Variants in CEMIP observed in about 807,000 individuals in gnomAD.
CEMIP encodes the protein cell migration-inducing and hyaluronan-binding protein.
A neutral mutation model predicts 156.9 loss-of-function variants in CEMIP; 105 were observed. The ratio of observed to expected loss-of-function variants is 0.67; its 90% confidence interval spans 0.57 to 0.79. The LOEUF (loss-of-function observed/expected upper bound fraction) is 0.79. Among genes scored for constraint, CEMIP ranks in the 30% least tolerant of loss-of-function variants. CEMIP has a pLI of 0.00. For missense variants in CEMIP, 1,457 were observed against 1,769.4 expected (o/e 0.82, Z 3.17); for synonymous variants, 676 against 668.4 (o/e 1.01, Z -0.17).
At chr15:80,866,154 C>T (rs1898120079) in intron 1 of CEMIP, among the ~76,000 whole-genome samples, 2 of 152,300 alleles carry the variant, frequency 1.3e-5, no homozygotes, top group Admixed American at 1.3e-4. Context: ...ATGGGATTCA[C>T]TCTGCCATGC....
chr15:80,897,635 CT>C (rs1275388557), intron 12 of CEMIP, among the ~76,000 whole-genome samples: 1 of 152,044 alleles, frequency 6.6e-6, no homozygotes, highest in African/African-American at 2.4e-5. Context: ...ACAGAGTCTG[CT>C]TTTTTAATTG....
At chr15:80,908,229 C>A (rs111392704) in intron 13 of CEMIP, among the ~76,000 whole-genome samples, 1 of 152,260 alleles carries the variant, frequency 6.6e-6, no homozygotes, top group African/African-American at 2.4e-5. Context: ...GCTATAGCCC[C>A]CTTTTCAATC....
intron 1 of CEMIP, among the ~76,000 whole-genome samples, chr15:80,825,734 C>T (rs1438580099): frequency 6.6e-6 from 1 of 152,196 alleles, no homozygotes; most frequent in Admixed American, 6.5e-5. Flanking sequence ...CCAGATCTCT[C>T]AGATATCATT....
chr15:80,943,449 G>A (rs920271374), intron 28 of CEMIP, among the ~76,000 whole-genome samples: 2 of 152,200 alleles, frequency 1.3e-5, no homozygotes, highest in East Asian at 1.9e-4. Flanking sequence ...TCTCCAGCCC[G>A]GATCTCCTTC....
At chr15:80,888,454 T>C (rs1006714547) in intron 8 of CEMIP, among the ~76,000 whole-genome samples, 2 of 152,230 alleles carry the variant, frequency 1.3e-5, no homozygotes, top group South Asian at 2.1e-4. Context: ...CCGTGAGACA[T>C]GCTAGAGCTC....
intron 12 of CEMIP, among the ~76,000 whole-genome samples, chr15:80,899,450 A>G (rs1056714417): frequency 6.6e-6 from 1 of 152,204 alleles, no homozygotes; most frequent in African/African-American, 2.4e-5. Context: ...CTGGGAGTAT[A>G]GAAAAGGGAG....
At chr15:80,936,474 C>T (rs1408878445) in intron 23 of CEMIP, among the ~76,000 whole-genome samples, 200 bp from the exon 24 acceptor site, 1 of 152,212 alleles carries the variant, frequency 6.6e-6, no homozygotes, top group Non-Finnish European at 1.5e-5. Flanking sequence ...CTGGATTACA[C>T]AGTAAGGCCT....
At chr15:80,857,518 T>A (rs1897882329) in intron 1 of CEMIP, among the ~76,000 whole-genome samples, 2 of 152,118 alleles carry the variant, frequency 1.3e-5, no homozygotes, top group African/African-American at 4.8e-5. Context: ...CAGTTCTGAC[T>A]CCTTTCACGG....
chr15:80,866,093 C>T (rs190341506), intron 1 of CEMIP, among the ~76,000 whole-genome samples: 11 of 152,282 alleles, frequency 7.2e-5, no homozygotes, highest in South Asian at 2.1e-4. Context: ...TCCCCTACAG[C>T]TGATTGGTGG....
At chr15:80,859,346 A>T (rs866241963) in intron 1 of CEMIP, among the ~76,000 whole-genome samples, 1 of 152,256 alleles carries the variant, frequency 6.6e-6, no homozygotes, top group Non-Finnish European at 1.5e-5. Context: ...ACCTTCTCCC[A>T]TCAATCATTA....
chr15:80,886,827 G>C lies in CEMIP; in HGVS notation c.798-867G>C, dbSNP rs138517016. Among the ~76,000 whole-genome samples, 60 of 152,288 alleles carry C rather than the reference G, an allele frequency of 3.9e-4. No individual in the cohort carries two copies. The East Asian group carries it at 0.01, about 26-fold the overall frequency. On this transcript the variant is annotated intron_variant, in intron 7 of 29. Transcript: ENST00000394685. ...ACAGGGGAAATTTAGCAAGGTCTCT[G>C]TTCCTTCAGATTCCTCTTGGCTTCC... is the stretch of plus-strand genomic sequence containing the variant.
chr15:80,930,444 T>C (rs146291693), intron 21 of CEMIP, among the ~76,000 whole-genome samples: 2 of 152,328 alleles, frequency 1.3e-5, no homozygotes, highest in Non-Finnish European at 2.9e-5. Flanking sequence ...AAATTGCATC[T>C]GCAAGTAGGA....
At chr15:80,884,490 A>G in intron 7 of CEMIP, 136 bp downstream of exon 7, 1 of 886,402 alleles carries the variant, frequency 1.1e-6, no homozygotes, top group South Asian at 1.4e-5. Context: ...AGGCATTTGC[A>G]TTTGACATCT....
chr15:80,950,965 C>G lies in CEMIP; in HGVS notation c.*2041C>G, dbSNP rs1901793865. ...AGTCCATTCCCCAGGTGGGAGCCAA[C>G]TGTCAGGGAGGTCTTTCCCACCAAA... On this transcript the variant is annotated 3_prime_UTR_variant, in exon 30 of 30. Coordinates refer to ENST00000394685, the MANE Select transcript of CEMIP (RefSeq NM_001293298.2). 1 of 152,696 alleles carries G rather than the reference C, an allele frequency of 6.5e-6. No homozygotes were observed. Among genetic ancestry groups the G allele is most frequent in the African/African-American group, 2.4e-5 (1 of 41,478 alleles). 9.5% of individuals were successfully genotyped at this position (152,696 alleles called of 1,614,324 possible). A position where few individuals can be genotyped will look rare whatever the true frequency, so the allele number is the denominator to read the frequency against.
At chr15:80,834,478 G>T (rs527645227) in intron 1 of CEMIP, among the ~76,000 whole-genome samples, 1 of 152,168 alleles carries the variant, frequency 6.6e-6, no homozygotes, top group Non-Finnish European at 1.5e-5. Flanking sequence ...GTAGAGTCAG[G>T]CTTCATTTTT....
chr15:80,826,266 G>A (rs1241572178), intron 1 of CEMIP, among the ~76,000 whole-genome samples: 1 of 152,128 alleles, frequency 6.6e-6, no homozygotes, highest in South Asian at 2.1e-4. Flanking sequence ...GGGCATTTTT[G>A]TTGTCTGTTT....
intron 1 of CEMIP, among the ~76,000 whole-genome samples, chr15:80,862,653 G>C (rs371869253): frequency 4.6e-5 from 7 of 152,314 alleles, no homozygotes; most frequent in South Asian, 4.1e-4. Flanking sequence ...GGGCTGGACT[G>C]GGGGGAGAAT....
intron 1 of CEMIP, among the ~76,000 whole-genome samples, chr15:80,830,181 G>A (rs989416625): frequency 6.6e-5 from 10 of 152,046 alleles, no homozygotes; most frequent in African/African-American, 1.4e-4. Flanking sequence ...TTTTACATCC[G>A]CCCATAAACT....
chr15:80,887,621 C>A, intron 7 of CEMIP, 73 bp from the exon 8 acceptor site: 2 of 1,186,356 alleles, frequency 1.7e-6, no homozygotes, highest in Non-Finnish European at 2.5e-6. Flanking sequence ...AACTCTGCCC[C>A]ATCCCCCCAC....
Sources: allele counts gnomAD v4.1 joint callset (sites outside exome capture counted in the v4.1 genomes callset), GRCh38; gene constraint gnomAD v4.1.1; transcripts MANE v1.5; gene names NCBI Gene and HGNC (gene_info 2026-07-23, HGNC 2026-07-21).